Variants in RYR1 observed in about 807,000 individuals in gnomAD.
RYR1 encodes ryanodine receptor 1.
A neutral mutation model predicts 583.5 loss-of-function variants in RYR1; 342 were observed. The ratio of observed to expected loss-of-function variants is 0.59; its 90% CI spans 0.54 to 0.64. The LOEUF (loss-of-function observed/expected upper bound fraction) is 0.64, where lower values mean the gene tolerates loss of function less well. RYR1 is among the 30% of genes least tolerant of loss of function. RYR1 has a pLI of 0.00. For missense variants in RYR1, 6,032 were observed against 6,917.2 expected (o/e 0.87, Z 4.54); for synonymous variants, 2,791 against 2,822.5 (o/e 0.99, Z 0.35).
intron 66 of RYR1, among the ~76,000 whole-genome samples, chr19:38,517,906 G>A (rs1035439184): frequency 2.0e-5 from 3 of 152,142 alleles, no homozygotes; most frequent in African/African-American, 4.8e-5. Context: ...AGCCATTTGC[G>A]ACCAGCCTAG....
At chr19:38,455,095 T>C in intron 13 of RYR1, 140 bp from the exon 14 acceptor site, 1 of 1,013,590 alleles carries the variant, frequency 9.9e-7, no homozygotes, top group Non-Finnish European at 1.5e-6. Context: ...ATTGGGAATA[T>C]GAAACCAAAG....
At position 38,455,487 on chromosome 19, in the gene RYR1, T is replaced by C; in HGVS notation, c.1613T>C (p.Leu538Pro). 6.2e-7 allele frequency: 1 copy of C among 1,614,170 alleles called. No individual in the cohort carries two copies. Among genetic ancestry groups the C allele is most frequent in the Non-Finnish European group, 8.5e-7 (1 of 1,180,034 alleles). The change falls in exon 15 of 106, where the codon CTC (leucine) becomes CCC (proline). Residue 538 changes from leucine (L) to proline (P), a missense_variant. Leu to Pro is a moderately conservative substitution (Grantham distance 98). Transcript: ENST00000359596. ...LIRGNRSNCA[L>P]FSTNLDWLVS... ...CGTGGCAATCGTAGCAACTGTGCCC[T>C]CTTCTCCACAAACTTGGACTGGCTG...
At position 38,528,364 on chromosome 19, in the gene RYR1, G is replaced by A. The variant is rs1568541826; in HGVS notation, c.10883G>A (p.Arg3628His). Residue 3628 changes from arginine (R) to histidine (H), a missense_variant, in exon 74 of 106, where the codon CGC becomes CAC. Physicochemically the swap from Arg to His is conservative, Grantham distance 29. This residue lies in a region of RYR1 where 1,493 missense variants were observed against 1,715.5 expected (regional missense o/e 0.87). Coordinates refer to ENST00000359596, the MANE Select transcript of RYR1 (RefSeq NM_000540.3). Reference protein sequence around the residue: ...AVWHKLLSKQRRRAVVACFRM... With the variant: ...AVWHKLLSKQHRRAVVACFRM... ...TGGCACAAGCTTTTGTCCAAACAGC[G>A]CCGGCGGGCAGTCGTGGCCTGTTTC... The A allele has an allele frequency of 2.5e-6, 4 of 1,614,076 alleles. No homozygotes were observed. The highest frequency in any genetic ancestry group is 2.5e-6 in the Non-Finnish European group (3 of 1,180,006).
chr19:38,506,444 A>G (rs762710077), intron 55 of RYR1, 27 bp from the exon 56 acceptor site: 3 of 1,614,012 alleles, frequency 1.9e-6, no homozygotes, highest in Non-Finnish European at 2.5e-6. Context: ...CTCTGAATCT[A>G]GCCCTTGACT....
chr19:38,433,773 C>T lies in RYR1; in HGVS notation c.-57C>T. On this transcript the variant is annotated 5_prime_UTR_variant, in exon 1 of 106. Transcript: ENST00000359596. ...CCGCCCCCAGCCCTCCCGCCCAGCC[C>T]GCAGCCCCCTCCCTCTGTTCCCCGA... 1 of 1,033,232 alleles carries T rather than the reference C, an allele frequency of 9.7e-7. No individual in the cohort carries two copies. Among genetic ancestry groups the T allele is most frequent in the Admixed American group, 1.7e-5 (1 of 58,996 alleles). 64.0% of individuals were successfully genotyped at this position (1,033,232 alleles called of 1,614,324 possible).
chr19:38,544,466 G>T (rs1028031907), intron 87 of RYR1, among the ~76,000 whole-genome samples: 2 of 152,074 alleles, frequency 1.3e-5, no homozygotes, highest in African/African-American at 2.4e-5. Flanking sequence ...ATACTGTTCC[G>T]CAGGTCGTGC....
chr19:38,497,538 G>A (rs1054136564), intron 42 of RYR1, among the ~76,000 whole-genome samples: 8 of 152,220 alleles, frequency 5.3e-5, no homozygotes, highest in Non-Finnish European at 1.5e-5. Context: ...ACTTCATGGA[G>A]TCATTCTGAG....
At chr19:38,518,726 C>G (rs556682598) in intron 66 of RYR1, among the ~76,000 whole-genome samples, 1 of 152,038 alleles carries the variant, frequency 6.6e-6, no homozygotes, top group East Asian at 1.9e-4. Flanking sequence ...GTCAGGAGTT[C>G]GAGACCAGCC....
chr19:38,472,739 G>A (rs191117274), intron 27 of RYR1, among the ~76,000 whole-genome samples: 14 of 151,178 alleles, frequency 9.3e-5, no homozygotes, highest in African/African-American at 2.7e-4. Flanking sequence ...TTAGCCAGGC[G>A]TGTTGGCTCA....
chr19:38,477,299 T>C (rs984742976), intron 29 of RYR1, among the ~76,000 whole-genome samples: 9 of 151,964 alleles, frequency 5.9e-5, no homozygotes, highest in African/African-American at 1.7e-4. Flanking sequence ...CCCACCACCA[T>C]GCCCGGCTAA....
At chr19:38,505,664 T>TA in intron 53 of RYR1, 142 bp from the exon 54 acceptor site, 1 of 1,056,750 alleles carries the variant, frequency 9.5e-7, no homozygotes, top group Non-Finnish European at 1.4e-6. Context: ...GAGGCTCTGT[T>TA]ACAGAGCAGG....
Position 38,565,521 on chromosome 19 carries a change from C to CGGCCG in RYR1, c.13196_13200dup (p.Gly4401ArgfsTer42). ...AGCGACGAGGTGCACGGCGAGCAGCCGGCCGGGCCGGGCGGAGACGCAGAC... is the reference window on the plus strand; with the variant it reads ...AGCGACGAGGTGCACGGCGAGCAGCCGGCCGGGCCGGGCCGGGCGGAGACGCAGAC... On this transcript the variant is annotated frameshift_variant, in exon 91 of 106. Coordinates refer to ENST00000359596, the MANE Select transcript of RYR1 (RefSeq NM_000540.3). LOFTEE classifies it high-confidence loss of function. This position sits in a 1 kb window ranked among gnomAD's most constrained non-coding sequence, Gnocchi z 4.7. 1.3e-6 allele frequency: 2 copies of CGGCCG among 1,503,024 alleles called. No homozygotes were observed. Among genetic ancestry groups the CGGCCG allele is most frequent in the South Asian group, 2.5e-5 (2 of 80,668 alleles). 93.1% of individuals were successfully genotyped at this position (1,503,024 alleles called of 1,614,324 possible).
At chr19:38,497,613 T>C (rs1008385743) in intron 42 of RYR1, among the ~76,000 whole-genome samples, 1 of 152,238 alleles carries the variant, frequency 6.6e-6, no homozygotes, top group Non-Finnish European at 1.5e-5. Flanking sequence ...GCTGCTGTTA[T>C]ATTATCATTC....
In RYR1 at chr19:38,502,761, G is replaced by A. The variant is rs1371532210; in HGVS notation, c.7835+34G>A. 4.4e-5 allele frequency: 27 copies of A among 614,740 alleles called. 2 individuals are homozygous for A. Among genetic ancestry groups the A allele is most frequent in the South Asian group, 4.2e-4 (22 of 52,154 alleles). 38.1% of individuals were successfully genotyped at this position (614,740 alleles called of 1,614,324 possible). ...GGGCAGGCTTCAGGGTGGGGCAGGG[G>A]CAGGGGCAGGGGCAGGGGCAGGGGC... is the stretch of plus-strand genomic sequence containing the variant. On this transcript the variant is annotated intron_variant, in intron 48 of 105. Transcript: ENST00000359596.
At chr19:38,528,206 C>T in intron 73 of RYR1, 100 bp from the exon 74 acceptor site, 1 of 990,374 alleles carries the variant, frequency 1.0e-6, no homozygotes. Flanking sequence ...TGAGTCTTAA[C>T]CTGAATATGG....
chr19:38,574,909 G>A (rs1243967709), intron 96 of RYR1, among the ~76,000 whole-genome samples: 1 of 151,940 alleles, frequency 6.6e-6, no homozygotes, highest in African/African-American at 2.4e-5. Flanking sequence ...GCGTGGCAGT[G>A]GGTGCCTGTA....
chr19:38,585,648 T>A (rs952957080), intron 102 of RYR1, among the ~76,000 whole-genome samples: 38 of 151,540 alleles, frequency 2.5e-4, no homozygotes, highest in Non-Finnish European at 8.8e-5. Context: ...TAATTTTTTT[T>A]ATTTTTTTAT....
Position 38,439,320 on chromosome 19 carries a change from C to T in RYR1, c.46-1425C>T, listed in dbSNP as rs1352409398. ...GCTCAAGCCATTCTCCTGCCTCAGC[C>T]TCCCAAGTAGCTGGGATAACAGGCA... On this transcript the variant is annotated intron_variant, in intron 1 of 105. Coordinates refer to ENST00000359596, the MANE Select transcript of RYR1 (RefSeq NM_000540.3). Among the ~76,000 whole-genome samples the T allele has an allele frequency of 2.0e-5, 3 of 152,296 alleles. No homozygotes were observed. The East Asian group carries it at 5.8e-4, about 29-fold the overall frequency.
intron 99 of RYR1, among the ~76,000 whole-genome samples, chr19:38,578,519 C>T (rs1207274771): frequency 6.6e-6 from 1 of 152,210 alleles, no homozygotes; most frequent in Non-Finnish European, 1.5e-5. Context: ...TAGTGAGATC[C>T]TCTCTCTACA....
Sources: gnomAD v4.1 joint callset for allele counts (sites outside exome capture counted in the v4.1 genomes callset) on GRCh38, gnomAD v4.1.1 for gene constraint, gnomAD v4.1.1 regional missense constraint, Gnocchi (gnomAD v3.1) non-coding constraint, MANE v1.5 for transcripts, NCBI Gene and HGNC (gene_info 2026-07-23, HGNC 2026-07-21) for gene names.